Variants in FAM161B observed in about 807,000 individuals in gnomAD.
FAM161B encodes the protein FAM161 centrosomal protein B.
In FAM161B, 46 loss-of-function variants were observed where a neutral mutation model predicts 61.5. The observed-to-expected ratio is 0.75, with a 90% CI of 0.59 to 0.96. The LOEUF is 0.96. Ranked by LOEUF, FAM161B falls within the 40% of genes least tolerant of loss-of-function variation. The probability of loss-of-function intolerance (pLI) is 0.00; values close to 1 mark genes in which losing one functional copy is unlikely to be tolerated. For synonymous variants in FAM161B, 284 were observed against 302.7 expected (o/e 0.94, Z 0.64); for missense variants, 774 against 800.7 (o/e 0.97, Z 0.40).
At position 73,949,065 on chromosome 14, in the gene FAM161B, C is replaced by T. The variant is rs531254710; in HGVS notation, c.54+908G>A. Among the ~76,000 whole-genome samples the T allele has an allele frequency of 6.7e-5, 10 of 150,320 alleles. No individual in the cohort carries two copies. In the East Asian group the frequency reaches 7.9e-4, roughly 12 times the overall value. The stretch of plus-strand genomic sequence containing the variant: ...TCCCGAGTAGCTAGGACTACAGGCG[C>T]GCACCACCATGCCCAGATAATTTTT... On this transcript the variant is annotated intron_variant, in intron 1 of 8. Transcript: ENST00000286544.
intron 6 of FAM161B, 94 bp from the exon 7 acceptor site, chr14:73,937,795 G>A: frequency 6.5e-7 from 1 of 1,536,654 alleles, no homozygotes; most frequent in Non-Finnish European, 8.9e-7. Context: ...CGTGTACACT[G>A]TAAATTCCTA....
the FAM161B span, among the ~76,000 whole-genome samples, chr14:73,925,147 T>TC: frequency 6.6e-6 from 1 of 152,078 alleles, no homozygotes; most frequent in African/African-American, 2.4e-5. Flanking sequence ...TTCTTTTTAT[T>TC]GTTGTGACCC....
chr14:73,942,873 C>T (rs2056031915), intron 3 of FAM161B, among the ~76,000 whole-genome samples, 158 bp from the exon 4 acceptor site: 1 of 151,996 alleles, frequency 6.6e-6, no homozygotes, highest in African/African-American at 2.4e-5. Flanking sequence ...GAGATGCCTG[C>T]AGATGGCCTG....
chr14:73,934,489 A>G (rs2055954541), intron 8 of FAM161B, 95 bp from the exon 9 acceptor site: 19 of 1,208,766 alleles, frequency 1.6e-5, no homozygotes, highest in South Asian at 4.7e-5. Flanking sequence ...GCATGATCTC[A>G]GCTCACTGCA....
intron 1 of FAM161B, among the ~76,000 whole-genome samples, chr14:73,949,536 A>T (rs7400918): frequency 0.49 from 66,350 of 135,542 alleles, 15,160 homozygotes; most frequent in Middle Eastern, 0.56. Flanking sequence ...TTTTTTTTTT[A>T]AATTTTTAGA....
intron 3 of FAM161B, among the ~76,000 whole-genome samples, chr14:73,943,188 T>C (rs2056034168): frequency 6.6e-6 from 1 of 152,142 alleles, no homozygotes; most frequent in South Asian, 2.1e-4. Flanking sequence ...GTGTCTCTCA[T>C]CAGTCACAAG....
chr14:73,944,379 A>G lies in FAM161B; in HGVS notation c.881T>C (p.Ile294Thr). The G allele has an allele frequency of 1.9e-6, 3 of 1,602,970 alleles. No homozygotes were observed. Among genetic ancestry groups the G allele is most frequent in the Non-Finnish European group, 2.6e-6 (3 of 1,171,310 alleles). Residue 294 changes from isoleucine to threonine, a missense_variant, in exon 3 of 9, where the codon ATT becomes ACT. Ile to Thr is a moderately conservative substitution (Grantham distance 89, BLOSUM62 -1). Transcript: ENST00000286544. ...GGCTGGCTCCAGAATGGACTTGGGA[A>G]TCCTTCTGGTGGCCTTCTGCTTGGA... ...KISKQKATRR[I>T]PKSILEPALG... is the part of the protein sequence containing the mutation.
chr14:73,944,531 T>C lies in FAM161B; in HGVS notation c.729A>G (p.Ala243=), dbSNP rs749048943. The change falls in exon 3 of 9, where the codon GCA becomes GCG. Residue 243 remains alanine, a synonymous_variant. Transcript: ENST00000286544. The stretch of plus-strand genomic sequence containing the variant: ...GCAGTTCCTTCCTCTTCTGGATCCC[T>C]GCCTGCCTTCGGGCCTCGCTGCGCT... ...IMERSEARRQ[A]GIQKRKELLL... The C allele has an allele frequency of 3.3e-5, 54 of 1,614,150 alleles. No individual in the cohort carries two copies. The highest frequency in any genetic ancestry group is 1.9e-4 in the South Asian group (17 of 91,086).
At chr14:73,930,729 A>T (rs532814240), downstream of FAM161B, among the ~76,000 whole-genome samples, 1 of 152,178 alleles carries the variant, frequency 6.6e-6, no homozygotes, top group Admixed American at 6.6e-5. Context: ...CAGCCTCCCA[A>T]GTAGCTAGGA....
In FAM161B at chr14:73,932,720, G is replaced by A. The variant is rs2055934962; in HGVS notation, c.*1536C>T. 2 of 308,786 alleles carry A rather than the reference G, an allele frequency of 6.5e-6. No individual in the cohort carries two copies. The highest frequency in any genetic ancestry group is 1.3e-5 in the Non-Finnish European group (2 of 159,966). 19.1% of individuals were successfully genotyped at this position (308,786 alleles called of 1,614,324 possible). ...GCTCAATGTAACCTTGAACTCCTAC[G>A]CTCAAGGCATCCTCCCACCTCAGCC... On this transcript the variant is annotated 3_prime_UTR_variant, in exon 9 of 9. Transcript: ENST00000286544.
intron 8 of FAM161B, 67 bp downstream of exon 8, chr14:73,935,882 C>T: frequency 6.7e-7 from 1 of 1,487,384 alleles, no homozygotes; most frequent in South Asian, 1.4e-5. Flanking sequence ...CTAAAGTTTC[C>T]TCCCAGTGGT....
At position 73,933,040 on chromosome 14, in the gene FAM161B, A is replaced by G. The variant is rs1300166849; in HGVS notation, c.*1216T>C. 6.5e-6 allele frequency: 1 copy of G among 154,030 alleles called. No individual in the cohort carries two copies. Among genetic ancestry groups the G allele is most frequent in the African/African-American group, 2.4e-5 (1 of 41,464 alleles). The allele number at this position is 154,030 out of a possible 1,614,324, so 9.5% of individuals were successfully genotyped here. ...CTTAAAATGAACCTCATGCTCACAT[A>G]AACACACAGGCACATTCTAAACAGA... On this transcript the variant is annotated 3_prime_UTR_variant, in exon 9 of 9. Transcript: ENST00000286544.
rs576503960 is a variant in FAM161B, at chr14:73,947,124, G to C, written c.55-519C>G. Among the ~76,000 whole-genome samples, 15 of 152,258 alleles carry C rather than the reference G, an allele frequency of 9.9e-5. No homozygotes were observed. The South Asian group carries it at 1.9e-3, about 19-fold the overall frequency. ...ATGATGGCTGGGTGCAGTGGCTCAT[G>C]CCTGTAATCCCAGCATTTTGGGAGG... On this transcript the variant is annotated intron_variant, in intron 1 of 8. Coordinates refer to ENST00000286544, the MANE Select transcript of FAM161B (RefSeq NM_152445.3).
downstream of FAM161B, among the ~76,000 whole-genome samples, chr14:73,930,633 TGTCA>T (rs2055897595): frequency 6.6e-6 from 1 of 152,048 alleles, no homozygotes; most frequent in Non-Finnish European, 1.5e-5. Flanking sequence ...AGTCTCAGTC[TGTCA>T]CTCAGGCTGG....
intron 5 of FAM161B, among the ~76,000 whole-genome samples, chr14:73,940,549 C>T (rs963058302): frequency 1.3e-5 from 2 of 152,088 alleles, no homozygotes; most frequent in African/African-American, 4.8e-5. Flanking sequence ...CAAGACAAGA[C>T]CCCCCTGCTC....
At chr14:73,940,429 CA>C (rs2056007963) in intron 5 of FAM161B, among the ~76,000 whole-genome samples, 1 of 152,186 alleles carries the variant, frequency 6.6e-6, no homozygotes, top group Non-Finnish European at 1.5e-5. Context: ...CCCTTCCTCT[CA>C]CCCATGGGCT....
chr14:73,937,524 C>G (rs1388911163), intron 7 of FAM161B, 78 bp downstream of exon 7: 2 of 1,354,812 alleles, frequency 1.5e-6, no homozygotes, highest in African/African-American at 1.5e-5. Context: ...TTAATACCCA[C>G]ATATTAAAAT....
Position 73,940,928 on chromosome 14 carries a change from G to T in FAM161B, c.1398C>A (p.Val466=). The T allele has an allele frequency of 6.2e-7, 1 of 1,609,832 alleles. No individual in the cohort carries two copies. The highest frequency in any genetic ancestry group is 8.5e-7 in the Non-Finnish European group (1 of 1,178,140). The change falls in exon 5 of 9, where the codon GTC becomes GTA. Residue 466 remains valine (V), a splice_region_variant and synonymous_variant. Transcript: ENST00000286544. ...TDATRKRESA[V]RSALEKKNKA... Reference sequence around the variant, plus strand: ...TCTCGTGCAGCCTGACCACTCACCTGACTGCAGATTCCCTCTTCCTGGTGG... The same window carrying T: ...TCTCGTGCAGCCTGACCACTCACCTTACTGCAGATTCCCTCTTCCTGGTGG...
rs536195871 is a variant in FAM161B, at chr14:73,949,893, G to A, written c.54+80C>T. ...CCACGCCCCTCCGTGACACGCCCCT[G>A]CTGTCTGTCTCCAAGGCAACGCCCA... On this transcript the variant is annotated intron_variant, in intron 1 of 8. Transcript: ENST00000286544. 1.7e-4 allele frequency: 270 copies of A among 1,572,954 alleles called. No individual in the cohort carries two copies. The African/African-American group carries it at 3.4e-3, about 20-fold the overall frequency.
Sources: gnomAD v4.1 joint callset for allele counts (sites outside exome capture counted in the v4.1 genomes callset) on GRCh38, gnomAD v4.1.1 for gene constraint, MANE v1.5 for transcripts, NCBI Gene and HGNC (gene_info 2026-07-23, HGNC 2026-07-21) for gene names.